KHDRBS2: variants seen among roughly 807,000 people sequenced by gnomAD.
KHDRBS2 encodes the protein KH RNA binding domain containing, signal transduction associated 2.
Under a neutral mutation model 44.3 loss-of-function variants are expected in KHDRBS2, and 26 were observed. The ratio of observed to expected loss-of-function variants is 0.59; its 90% confidence interval spans 0.43 to 0.81. KHDRBS2 has a LOEUF of 0.81. Among genes scored for constraint, KHDRBS2 ranks in the 40% least tolerant of loss-of-function variants. The pLI is 0.00. For missense variants in KHDRBS2, 476 were observed against 433.1 expected (o/e 1.10, Z -0.88); for synonymous variants, 194 against 151.1 (o/e 1.28, Z -2.08).
In KHDRBS2 at chr6:61,959,003, C is replaced by T. The variant is rs550159999; in HGVS notation, c.483+19063G>A. 3.3e-5 allele frequency among the ~76,000 whole-genome samples: 5 copies of T among 152,276 alleles called. No individual in the cohort carries two copies. In the East Asian group the frequency reaches 7.7e-4, roughly 24 times the overall value. On this transcript the variant is annotated intron_variant, in intron 4 of 8. Transcript: ENST00000281156. ...CAATGCACTTCAGTATCAATGGTGC[C>T]ACTACAACCTCAACTGGTGTCACTT...
At chr6:61,713,580 GCTT>G (rs1770881780) in intron 7 of KHDRBS2, among the ~76,000 whole-genome samples, 1 of 120,888 alleles carries the variant, frequency 8.3e-6, no homozygotes, top group Non-Finnish European at 1.7e-5. Flanking sequence ...GATACCTTTA[GCTT>G]TTTTTTTTTT....
intron 2 of KHDRBS2, among the ~76,000 whole-genome samples, chr6:62,090,975 G>A (rs1027634553): frequency 2.0e-5 from 3 of 152,068 alleles, no homozygotes; most frequent in African/African-American, 7.2e-5. Context: ...TAGTTACTAC[G>A]GGCATAATCT....
At chr6:62,115,940 A>G (rs1003544303) in intron 2 of KHDRBS2, among the ~76,000 whole-genome samples, 2 of 152,134 alleles carry the variant, frequency 1.3e-5, no homozygotes, top group African/African-American at 4.8e-5. Flanking sequence ...AAATAAATAC[A>G]AAATACATTA....
chr6:61,601,615 T>G, the KHDRBS2 span, among the ~76,000 whole-genome samples: 4 of 152,080 alleles, frequency 2.6e-5, no homozygotes, highest in African/African-American at 9.7e-5. Flanking sequence ...CTGTTCCCAA[T>G]GCAACTCATC....
intron 1 of KHDRBS2, among the ~76,000 whole-genome samples, chr6:62,253,535 T>A (rs1336839255): frequency 6.6e-6 from 1 of 151,916 alleles, no homozygotes; most frequent in Non-Finnish European, 1.5e-5. Flanking sequence ...TTAGCTAAAA[T>A]GCAAGTTGTA....
At chr6:61,760,699 C>T (rs1461761599) in intron 6 of KHDRBS2, among the ~76,000 whole-genome samples, 4 of 152,114 alleles carry the variant, frequency 2.6e-5, no homozygotes, top group African/African-American at 7.2e-5. Flanking sequence ...AATTATACAT[C>T]TTAGAAATAT....
chr6:61,703,212 A>C (rs903366252), intron 7 of KHDRBS2, among the ~76,000 whole-genome samples: 4 of 151,898 alleles, frequency 2.6e-5, no homozygotes, highest in African/African-American at 9.7e-5. Flanking sequence ...AAACAAATGT[A>C]ATAAAAATAG....
chr6:61,621,152 G>C, the KHDRBS2 span, among the ~76,000 whole-genome samples: 1 of 152,150 alleles, frequency 6.6e-6, no homozygotes, highest in South Asian at 2.1e-4. Context: ...GTAGAATGTA[G>C]GGTACAGAAA....
At chr6:62,172,698 G>GAAAAAAAAAAA (rs33984802) in intron 2 of KHDRBS2, among the ~76,000 whole-genome samples, 1 of 73,462 alleles carries the variant, frequency 1.4e-5, no homozygotes, top group Non-Finnish European at 2.5e-5. Context: ...CCAGCAAACT[G>GAAAAAAAAAAA]AAAAAAAAAA....
intron 6 of KHDRBS2, among the ~76,000 whole-genome samples, chr6:61,820,140 T>C (rs1583005623): frequency 6.6e-6 from 1 of 152,176 alleles, no homozygotes; most frequent in East Asian, 1.9e-4. Context: ...TTAATGGAGA[T>C]GCTAGCAAGT....
intron 4 of KHDRBS2, 104 bp downstream of exon 4, chr6:61,977,962 G>A (rs1583917433): frequency 1.0e-6 from 1 of 963,966 alleles, no homozygotes; most frequent in East Asian, 2.5e-5. Flanking sequence ...TAGATCATTG[G>A]TTTGCAATAT....
chr6:61,702,206 C>A (rs1768795520), intron 7 of KHDRBS2, among the ~76,000 whole-genome samples: 1 of 151,870 alleles, frequency 6.6e-6, no homozygotes, highest in African/African-American at 2.4e-5. Flanking sequence ...GTCTCCTTTA[C>A]CTTTGAGTGT....
intron 6 of KHDRBS2, among the ~76,000 whole-genome samples, chr6:61,870,498 T>G (rs1473655581): frequency 6.6e-6 from 1 of 152,096 alleles, no homozygotes; most frequent in Non-Finnish European, 1.5e-5. Flanking sequence ...GCCTGACAGC[T>G]CTGAAGAGGG....
chr6:62,236,910 AT>A (rs202071854), intron 1 of KHDRBS2, among the ~76,000 whole-genome samples: 1 of 152,214 alleles, frequency 6.6e-6, no homozygotes, highest in East Asian at 1.9e-4. Context: ...AATTATCTTC[AT>A]TTTTTTCATA....
At chr6:61,844,739 T>C (rs1562285929) in intron 6 of KHDRBS2, among the ~76,000 whole-genome samples, 2 of 112,324 alleles carry the variant, frequency 1.8e-5, no homozygotes, top group Non-Finnish European at 3.9e-5. Flanking sequence ...TTCTTGATAC[T>C]CCTGTTCACT....
rs879756722 is a variant in KHDRBS2 at position 62,079,660 on chromosome 6, C to T, written c.220-31666G>A. Among the ~76,000 whole-genome samples the T allele has an allele frequency of 7.9e-5, 12 of 151,968 alleles. No individual in the cohort carries two copies. In the East Asian group the frequency reaches 9.7e-4, roughly 12 times the overall value. On this transcript the variant is annotated intron_variant, in intron 2 of 8. Coordinates refer to ENST00000281156, the MANE Select transcript of KHDRBS2 (RefSeq NM_152688.4). ...ATATTTGTTTCGAATTACTTAATCC[C>T]ATGAAACTTTGAAAATACAGAATTA... is the stretch of plus-strand genomic sequence containing the variant.
intron 3 of KHDRBS2, among the ~76,000 whole-genome samples, chr6:62,026,728 T>TA (rs1783416490): frequency 6.6e-6 from 1 of 152,056 alleles, no homozygotes; most frequent in Non-Finnish European, 1.5e-5. Flanking sequence ...CTTTTCTGCA[T>TA]AAAAGTTAGT....
intron 6 of KHDRBS2, among the ~76,000 whole-genome samples, chr6:61,775,293 G>A (rs1484458759): frequency 1.3e-5 from 2 of 151,954 alleles, no homozygotes; most frequent in Admixed American, 6.6e-5. Flanking sequence ...TCTGGCCAGG[G>A]CAATCAAGCA....
chr6:61,959,636 C>CTATA (rs1241862465), intron 4 of KHDRBS2, among the ~76,000 whole-genome samples: 2 of 151,940 alleles, frequency 1.3e-5, no homozygotes, highest in African/African-American at 4.8e-5. Context: ...TATAACAAGA[C>CTATA]TAAGAATAGA....
Sources: gnomAD v4.1 joint callset for allele counts (sites outside exome capture counted in the v4.1 genomes callset) on GRCh38, gnomAD v4.1.1 for gene constraint, MANE v1.5 for transcripts, NCBI Gene and HGNC (gene_info 2026-07-23, HGNC 2026-07-21) for gene names.